Variants in TULP4 observed in about 807,000 individuals in gnomAD.
TULP4 encodes TUB like protein 4, also known as tubby-related protein 4.
In TULP4, 16 loss-of-function variants were observed where a neutral mutation model predicts 129.0. That is an observed-to-expected ratio of 0.12 (90% confidence interval 0.08 to 0.19). The LOEUF (loss-of-function observed/expected upper bound fraction) is 0.19, where lower values mean the gene tolerates loss of function less well. Among genes scored for constraint, TULP4 ranks in the 10% least tolerant of loss-of-function variants. The probability of loss-of-function intolerance (pLI) is 1.00; values close to 1 mark genes in which losing one functional copy is unlikely to be tolerated. For synonymous variants in TULP4, 998 were observed against 854.0 expected (o/e 1.17, Z -2.94); for missense variants, 1,842 against 2,059.1 (o/e 0.89, Z 2.04).
intron 1 of TULP4, among the ~76,000 whole-genome samples, chr6:158,361,130 T>C (rs762730488): frequency 6.6e-6 from 1 of 152,216 alleles, no homozygotes; most frequent in Admixed American, 6.5e-5. Flanking sequence ...TTAAAGTTGA[T>C]GTAGAATTGC....
At chr6:158,459,686 G>A (rs181651316) in intron 5 of TULP4, among the ~76,000 whole-genome samples, 2 of 152,312 alleles carry the variant, frequency 1.3e-5, no homozygotes, top group Admixed American at 1.3e-4. Context: ...GTGCAGTTCA[G>A]GTGAGGAGCT....
intron 1 of TULP4, among the ~76,000 whole-genome samples, chr6:158,264,391 T>C (rs7770570): frequency 0.33 from 50,012 of 152,114 alleles, 9,215 homozygotes; most frequent in Admixed American, 0.45. Flanking sequence ...GTCATCTTCA[T>C]ACCAAAATCT....
intron 1 of TULP4, among the ~76,000 whole-genome samples, chr6:158,355,135 A>G (rs994760859): frequency 2.6e-5 from 4 of 151,562 alleles, no homozygotes; most frequent in East Asian, 4.0e-4. Flanking sequence ...ACAGTGGCAC[A>G]GTTATAGCTC....
intron 1 of TULP4, among the ~76,000 whole-genome samples, chr6:158,252,523 G>A (rs373940470): frequency 1.2e-4 from 19 of 152,042 alleles, no homozygotes; most frequent in South Asian, 4.2e-4. Context: ...CTAAACGTGC[G>A]CACCACCATG....
chr6:158,375,300 T>C (rs895927387), intron 1 of TULP4, among the ~76,000 whole-genome samples: 3 of 152,214 alleles, frequency 2.0e-5, no homozygotes, highest in African/African-American at 7.2e-5. Context: ...GTATGTTCTT[T>C]TTTGTTGGCA....
At chr6:158,418,899 G>A (rs1302562633) in intron 2 of TULP4, among the ~76,000 whole-genome samples, 1 of 152,156 alleles carries the variant, frequency 6.6e-6, no homozygotes, top group Non-Finnish European at 1.5e-5. Context: ...TATGGATTAA[G>A]GAGATTTCCC....
chr6:158,299,199 A>C (rs529685774), intron 1 of TULP4, among the ~76,000 whole-genome samples: 1 of 152,158 alleles, frequency 6.6e-6, no homozygotes, highest in South Asian at 2.1e-4. Context: ...TGAACCTCCT[A>C]TGCCAAGTAG....
At position 158,501,775 on chromosome 6, in the gene TULP4, G is replaced by A. The variant is rs922327441; in HGVS notation, c.2112G>A (p.Thr704=). The change falls in exon 13 of 14, where the codon ACG becomes ACA. Residue 704 remains threonine, a synonymous_variant. Transcript: ENST00000367097. ...IHSSAQAMSP[T]QSIGLVQSLL... ...GCTCGGCTCAGGCTATGTCCCCCAC[G>A]CAGAGCATAGGGCTGGTGCAGTCCC... 3.7e-6 allele frequency: 6 copies of A among 1,614,066 alleles called. No homozygotes were observed. Among genetic ancestry groups the A allele is most frequent in the Admixed American group, 1.7e-5 (1 of 60,012 alleles).
At chr6:158,327,640 CT>C in intron 1 of TULP4, among the ~76,000 whole-genome samples, 1 of 151,614 alleles carries the variant, frequency 6.6e-6, no homozygotes, top group East Asian at 1.9e-4. Flanking sequence ...TTTTCTCATA[CT>C]TCTGTGAGGA....
At chr6:158,346,266 TA>T (rs1780309975) in intron 1 of TULP4, among the ~76,000 whole-genome samples, 1 of 152,198 alleles carries the variant, frequency 6.6e-6, no homozygotes, top group African/African-American at 2.4e-5. Flanking sequence ...ATTAAGAGAT[TA>T]AAGTAAGACA....
intron 3 of TULP4, among the ~76,000 whole-genome samples, chr6:158,448,706 C>G (rs541890989): frequency 6.6e-6 from 1 of 152,206 alleles, no homozygotes; most frequent in African/African-American, 2.4e-5. Context: ...AAGCAAAACC[C>G]CTGCAAATAG....
At chr6:158,386,942 G>C (rs1398689193) in intron 1 of TULP4, among the ~76,000 whole-genome samples, 2 of 152,044 alleles carry the variant, frequency 1.3e-5, no homozygotes, top group South Asian at 2.1e-4. Flanking sequence ...TATATTTTCT[G>C]TTTATTTCTG....
chr6:158,238,594 C>T (rs1223094745), intron 1 of TULP4, among the ~76,000 whole-genome samples: 1 of 116,792 alleles, frequency 8.6e-6, no homozygotes, highest in Non-Finnish European at 1.7e-5. Flanking sequence ...GTGTTTGTGT[C>T]CCTGATTACT....
chr6:158,498,616 T>G (rs1010311840), intron 11 of TULP4, 53 bp from the exon 12 acceptor site: 1 of 1,608,188 alleles, frequency 6.2e-7, no homozygotes, highest in African/African-American at 1.3e-5. Flanking sequence ...CTTGACACTT[T>G]GGCTCTGCTC....
chr6:158,427,174 ATTCAGATGACACTCAACATCT>A (rs1369469592), intron 2 of TULP4, among the ~76,000 whole-genome samples: 1 of 152,234 alleles, frequency 6.6e-6, no homozygotes, highest in Non-Finnish European at 1.5e-5. Context: ...GACACACGGA[ATTCAGATGACACTCAACATCT>A]TTATACTGAG....
chr6:158,290,394 C>A (rs754129708), intron 1 of TULP4, among the ~76,000 whole-genome samples: 2 of 152,124 alleles, frequency 1.3e-5, no homozygotes, highest in African/African-American at 4.8e-5. Context: ...TGTTGAGTTC[C>A]TTATATATTC....
intron 3 of TULP4, among the ~76,000 whole-genome samples, chr6:158,444,199 G>C (rs1161318836): frequency 3.8e-5 from 4 of 105,342 alleles, no homozygotes; most frequent in Non-Finnish European, 6.8e-5. Flanking sequence ...CAGCCTGGGC[G>C]ACAGAGCAAG....
At chr6:158,302,675 C>T (rs189073693) in intron 1 of TULP4, among the ~76,000 whole-genome samples, 3 of 152,238 alleles carry the variant, frequency 2.0e-5, no homozygotes, top group Non-Finnish European at 2.9e-5. Context: ...TGACCTAAAC[C>T]AGCCCTCTTC....
At chr6:158,488,947 G>A (rs1562587845) in intron 8 of TULP4, among the ~76,000 whole-genome samples, 1 of 152,156 alleles carries the variant, frequency 6.6e-6, no homozygotes, top group Admixed American at 6.5e-5. Context: ...TCTGCCTGAA[G>A]GCCCCATGCG....
Sources: allele counts gnomAD v4.1 joint callset (sites outside exome capture counted in the v4.1 genomes callset), GRCh38; gene constraint gnomAD v4.1.1; transcripts MANE v1.5; gene names NCBI Gene and HGNC (gene_info 2026-07-23, HGNC 2026-07-21).